Variants in ROBO1 observed in about 807,000 individuals in gnomAD.
ROBO1 encodes the protein roundabout homolog 1.
ROBO1 carries 149 observed loss-of-function variants against 195.9 expected under a neutral mutation model. That is an observed-to-expected ratio of 0.76 (90% CI 0.67 to 0.87). The LOEUF (loss-of-function observed/expected upper bound fraction) is 0.87, where lower values mean the gene tolerates loss of function less well. Ranked by LOEUF, ROBO1 falls within the 40% of genes least tolerant of loss-of-function variation. The pLI is 0.00. For missense variants in ROBO1, 1,933 were observed against 2,068.3 expected (o/e 0.93, Z 1.27); for synonymous variants, 816 against 733.2 (o/e 1.11, Z -1.82).
rs763805957 is a variant in ROBO1, at chr3:78,667,905, T to C, written c.1944A>G (p.Ile648Met). ...TACCTTGTGTTTTCACTGGATCTGA[T>C]ATTTGGCTTGGATCACTAATTCCAT... ...NAYGISDPSQ[I>M]SDPVKTQDVL... The change falls in exon 14 of 31, where the codon ATA becomes ATG. Residue 648 changes from isoleucine to methionine, a missense_variant. This residue lies in a region of ROBO1 where 1,737 missense variants were observed against 1,882.5 expected (regional missense o/e 0.92). Coordinates refer to ENST00000464233, the MANE Select transcript of ROBO1 (RefSeq NM_002941.4). The C allele has an allele frequency of 4.3e-6, 7 of 1,613,724 alleles. No individual in the cohort carries two copies. In the Admixed American group the frequency reaches 8.3e-5, roughly 19 times the overall value.
chr3:79,345,432 A>T (rs906445003), intron 2 of ROBO1, among the ~76,000 whole-genome samples: 2 of 151,736 alleles, frequency 1.3e-5, no homozygotes, highest in African/African-American at 4.8e-5. Context: ...TTTTTATATG[A>T]CTTCTCTTCT....
At chr3:79,304,128 C>T (rs1309352257) in intron 2 of ROBO1, among the ~76,000 whole-genome samples, 1 of 152,016 alleles carries the variant, frequency 6.6e-6, no homozygotes, top group African/African-American at 2.4e-5. Context: ...CGCAAGAAAT[C>T]GTTAGTTAAT....
At chr3:79,443,636 C>G (rs1017776764) in intron 2 of ROBO1, among the ~76,000 whole-genome samples, 1 of 152,026 alleles carries the variant, frequency 6.6e-6, no homozygotes, top group Non-Finnish European at 1.5e-5. Flanking sequence ...AGATTCAATA[C>G]AATATCAATG....
chr3:79,583,103 GTA>G (rs1273283196), intron 2 of ROBO1, among the ~76,000 whole-genome samples: 1 of 151,934 alleles, frequency 6.6e-6, no homozygotes, highest in African/African-American at 2.4e-5. Flanking sequence ...TTGCTAACGT[GTA>G]TGTTTTCTCC....
At chr3:78,599,957 CAA>C (rs1703070674) in intron 30 of ROBO1, 154 bp downstream of exon 30, 1 of 695,892 alleles carries the variant, frequency 1.4e-6, no homozygotes, top group African/African-American at 1.8e-5. Context: ...AGAAAATTCT[CAA>C]ATTCTCAGAA....
intron 2 of ROBO1, among the ~76,000 whole-genome samples, chr3:79,569,205 AATTT>A (rs1299431613): frequency 6.6e-6 from 1 of 152,228 alleles, no homozygotes; most frequent in Non-Finnish European, 1.5e-5. Context: ...TCTCGCTGAC[AATTT>A]ATTAAAGAAC....
chr3:79,029,374 G>A (rs374069996), intron 3 of ROBO1, among the ~76,000 whole-genome samples: 1 of 151,780 alleles, frequency 6.6e-6, no homozygotes, highest in Non-Finnish European at 1.5e-5. Context: ...TAATTTTGTC[G>A]CTTTAAAAAA....
At chr3:79,550,957 T>A (rs954818102) in intron 2 of ROBO1, among the ~76,000 whole-genome samples, 1 of 152,098 alleles carries the variant, frequency 6.6e-6, no homozygotes, top group East Asian at 1.9e-4. Context: ...AATGTTACCA[T>A]CATGGGACTG....
At chr3:79,044,162 ATCTTT>A (rs2078545118) in intron 3 of ROBO1, among the ~76,000 whole-genome samples, 1 of 151,910 alleles carries the variant, frequency 6.6e-6, no homozygotes, top group Non-Finnish European at 1.5e-5. Context: ...AAATCTCATC[ATCTTT>A]TAAGAAAGTA....
At chr3:78,932,023 A>C (rs2039559557) in intron 4 of ROBO1, among the ~76,000 whole-genome samples, 1 of 152,190 alleles carries the variant, frequency 6.6e-6, no homozygotes, top group Non-Finnish European at 1.5e-5. Flanking sequence ...GCTTCAGTTA[A>C]ACTCTACGGT....
intron 3 of ROBO1, among the ~76,000 whole-genome samples, chr3:78,954,129 G>C (rs13321050): frequency 6.6e-6 from 1 of 151,482 alleles, no homozygotes; most frequent in Non-Finnish European, 1.5e-5. Context: ...AATTCCAGCA[G>C]AGCATCTTTC....
At chr3:79,036,303 T>C (rs1198092928) in intron 3 of ROBO1, among the ~76,000 whole-genome samples, 3 of 152,166 alleles carry the variant, frequency 2.0e-5, no homozygotes, top group Non-Finnish European at 4.4e-5. Context: ...TTTGGATGAA[T>C]TTTGCCTTAA....
At chr3:79,547,047 T>C (rs1434455071) in intron 2 of ROBO1, among the ~76,000 whole-genome samples, 2 of 150,986 alleles carry the variant, frequency 1.3e-5, no homozygotes, top group East Asian at 3.9e-4. Flanking sequence ...TAGCCGGGCG[T>C]GGTGGCGGGT....
intron 2 of ROBO1, among the ~76,000 whole-genome samples, chr3:79,131,476 GT>G (rs2080307585): frequency 6.5e-5 from 1 of 15,348 alleles, no homozygotes; most frequent in Non-Finnish European, 2.0e-4. Flanking sequence ...GTGTAGAGGT[GT>G]TTGTAGTATT....
At chr3:79,286,445 C>G (rs2031893105) in intron 2 of ROBO1, among the ~76,000 whole-genome samples, 1 of 152,080 alleles carries the variant, frequency 6.6e-6, no homozygotes, top group Non-Finnish European at 1.5e-5. Flanking sequence ...CTCAATTTGA[C>G]AAAAAGATGC....
intron 3 of ROBO1, among the ~76,000 whole-genome samples, chr3:78,963,851 A>G (rs545015957): frequency 6.6e-6 from 1 of 152,274 alleles, no homozygotes; most frequent in African/African-American, 2.4e-5. Flanking sequence ...TGAATATACA[A>G]CAAATTTTAA....
intron 4 of ROBO1, among the ~76,000 whole-genome samples, chr3:78,871,847 T>A (rs1253411984): frequency 1.3e-5 from 2 of 152,002 alleles, no homozygotes; most frequent in African/African-American, 4.8e-5. Flanking sequence ...ATTTAAGAAT[T>A]TCTATATCTA....
intron 2 of ROBO1, among the ~76,000 whole-genome samples, chr3:79,145,864 GTTCT>G (rs1451823392): frequency 1.3e-5 from 2 of 151,946 alleles, no homozygotes; most frequent in Non-Finnish European, 2.9e-5. Flanking sequence ...TCTTTACAGT[GTTCT>G]TTGAGTGAAA....
intron 26 of ROBO1, among the ~76,000 whole-genome samples, chr3:78,624,084 A>G (rs537788099): frequency 6.6e-6 from 1 of 152,282 alleles, no homozygotes; most frequent in East Asian, 1.9e-4. Flanking sequence ...CACTTTACAC[A>G]AGTGTCTAAA....
Sources: allele counts gnomAD v4.1 joint callset (sites outside exome capture counted in the v4.1 genomes callset), GRCh38; gene constraint gnomAD v4.1.1; regional missense constraint gnomAD v4.1.1; transcripts MANE v1.5; gene names NCBI Gene and HGNC (gene_info 2026-07-23, HGNC 2026-07-21).